Variants in PMF1 observed in about 807,000 individuals in gnomAD.
PMF1 encodes polyamine modulated factor 1.
PMF1 carries 21 observed loss-of-function variants against 26.7 expected under a neutral mutation model. The ratio of observed to expected loss-of-function variants is 0.79; its 90% confidence interval spans 0.56 to 1.13. The LOEUF (loss-of-function observed/expected upper bound fraction) is 1.13, where lower values mean the gene tolerates loss of function less well. PMF1 is among the 50% of genes most tolerant of loss of function. PMF1 has a pLI of 0.00. For missense variants in PMF1, 266 were observed against 254.9 expected, an observed-to-expected ratio of 1.04 and a Z score of -0.30; for synonymous variants, 105 against 101.0, an observed-to-expected ratio of 1.04 and a Z score of -0.24.
chr1:156,218,363 T>G (rs979414672), intron 1 of PMF1, among the ~76,000 whole-genome samples: 1 of 152,190 alleles, frequency 6.6e-6, no homozygotes, highest in African/African-American at 2.4e-5. Flanking sequence ...ACTGTTTCCA[T>G]TTTCCCTTAA....
chr1:156,216,716 C>T (rs1297692028), intron 1 of PMF1, among the ~76,000 whole-genome samples: 5 of 151,730 alleles, frequency 3.3e-5, no homozygotes, highest in Non-Finnish European at 7.4e-5. Context: ...GGGGCGGCCG[C>T]GACAACCCCA....
At chr1:156,236,047 T>C (rs896435588) in intron 3 of PMF1, among the ~76,000 whole-genome samples, 1 of 151,996 alleles carries the variant, frequency 6.6e-6, no homozygotes, top group African/African-American at 2.4e-5. Context: ...AAGGCTAAGA[T>C]AGGGGCTGAA....
chr1:156,232,447 A>G, intron 2 of PMF1, 22 bp downstream of exon 2: 1 of 1,611,518 alleles, frequency 6.2e-7, no homozygotes, highest in South Asian at 1.1e-5. Flanking sequence ...GAAGCCTGGC[A>G]GGTGCTGTTG....
chr1:156,231,727 C>T (rs1262031026), intron 1 of PMF1, among the ~76,000 whole-genome samples: 1 of 152,010 alleles, frequency 6.6e-6, no homozygotes, highest in Non-Finnish European at 1.5e-5. Context: ...GAAAATCAGG[C>T]TCCAACAATA....
At chr1:156,233,873 C>G in intron 3 of PMF1, 145 bp downstream of exon 3, 1 of 719,192 alleles carries the variant, frequency 1.4e-6, no homozygotes. Context: ...ACCTTGACCT[C>G]CCAAAGTGCT....
At chr1:156,221,272 C>G (rs1442522587) in intron 1 of PMF1, among the ~76,000 whole-genome samples, 1 of 152,228 alleles carries the variant, frequency 6.6e-6, no homozygotes, top group Non-Finnish European at 1.5e-5. Context: ...CTCACTCATA[C>G]TGACCTCCTC....
chr1:156,218,277 T>C (rs1452659364), intron 1 of PMF1, among the ~76,000 whole-genome samples: 1 of 152,194 alleles, frequency 6.6e-6, no homozygotes, highest in Non-Finnish European at 1.5e-5. Context: ...GAAATATCTA[T>C]TGGGTGATAA....
intron 1 of PMF1, among the ~76,000 whole-genome samples, chr1:156,215,911 A>G (rs1657669388): frequency 6.6e-6 from 1 of 151,684 alleles, no homozygotes; most frequent in South Asian, 2.1e-4. Flanking sequence ...CTGGTGTTGA[A>G]CTCCTGACCT....
chr1:156,213,319 C>T, intron 1 of PMF1, 143 bp downstream of exon 1: 3 of 1,289,600 alleles, frequency 2.3e-6, no homozygotes, highest in Non-Finnish European at 2.1e-6. Context: ...CCAGTCAAAT[C>T]CTGAGCCTTA....
chr1:156,225,748 C>T, intron 1 of PMF1: 1 of 602,190 alleles, frequency 1.7e-6, no homozygotes, highest in Admixed American at 2.7e-5. Context: ...TCTTTCCATG[C>T]TGTCCTGCAC....
chr1:156,237,806 G>C (rs11585822), intron 4 of PMF1, among the ~76,000 whole-genome samples: 1 of 152,100 alleles, frequency 6.6e-6, no homozygotes, highest in African/African-American at 2.4e-5. Context: ...GCCCAGGCTG[G>C]AGTGCAGTGA....
intron 1 of PMF1, among the ~76,000 whole-genome samples, chr1:156,219,797 C>T (rs566743966): frequency 5.3e-5 from 8 of 151,532 alleles, no homozygotes; most frequent in South Asian, 2.1e-4. Flanking sequence ...TCGCCCAGAC[C>T]GGAGTGCAGT....
At chr1:156,220,069 T>G (rs899129847) in intron 1 of PMF1, among the ~76,000 whole-genome samples, 1 of 151,498 alleles carries the variant, frequency 6.6e-6, no homozygotes, top group African/African-American at 2.4e-5. Flanking sequence ...GTTCACGCCA[T>G]TCTCCTGCCT....
At chr1:156,238,976 C>T (rs542039840) in intron 4 of PMF1, among the ~76,000 whole-genome samples, 3 of 152,064 alleles carry the variant, frequency 2.0e-5, no homozygotes, top group South Asian at 4.2e-4. Flanking sequence ...TCAGGCAAGG[C>T]GCTGCTCCAC....
intron 1 of PMF1, among the ~76,000 whole-genome samples, chr1:156,213,755 T>C (rs900053434): frequency 1.3e-5 from 2 of 152,184 alleles, no homozygotes; most frequent in Non-Finnish European, 2.9e-5. Flanking sequence ...TTTTGAGAAT[T>C]AAATGAGTAA....
At chr1:156,213,669 C>CA (rs1262080474) in intron 1 of PMF1, among the ~76,000 whole-genome samples, 1 of 152,038 alleles carries the variant, frequency 6.6e-6, no homozygotes, top group Non-Finnish European at 1.5e-5. Context: ...ACTATGTGAG[C>CA]AAGACGTAAG....
chr1:156,232,544 C>A, intron 2 of PMF1, 119 bp downstream of exon 2: 2 of 878,634 alleles, frequency 2.3e-6, no homozygotes, highest in Non-Finnish European at 1.8e-6. Flanking sequence ...CTAGAGCTGT[C>A]CTGGGTGCCC....
chr1:156,216,596 C>T (rs976534684), intron 1 of PMF1, among the ~76,000 whole-genome samples: 3 of 151,492 alleles, frequency 2.0e-5, no homozygotes, highest in Admixed American at 6.6e-5. Flanking sequence ...CGCGTCCGAG[C>T]GTCCCGACTC....
Position 156,233,642 on chromosome 1 carries a change from C to G in PMF1, c.282C>G (p.Asp94Glu), listed in dbSNP as rs1303591719. 1.2e-6 allele frequency: 2 copies of G among 1,613,818 alleles called. No individual in the cohort carries two copies. Among genetic ancestry groups the G allele is most frequent in the South Asian group, 2.2e-5 (2 of 91,058 alleles). ...TTTCTCTTCAGGAGGAAATCTCTGA[C>G]ATCAAAGAGGAGGGGAACCTAGAAG... ...LQTSIREEIS[D>E]IKEEGNLEAV... The change falls in exon 3 of 5, where the codon GAC (aspartate) becomes GAG (glutamate). Residue 94 changes from aspartate (D) to glutamate (E), a missense_variant. Transcript: ENST00000368277.
Sources: allele counts gnomAD v4.1 joint callset (sites outside exome capture counted in the v4.1 genomes callset), GRCh38; gene constraint gnomAD v4.1.1; transcripts MANE v1.5; gene names NCBI Gene and HGNC (gene_info 2026-07-23, HGNC 2026-07-21).